The following NXN variants were observed in gnomAD, a reference collection of about 807,000 sequenced individuals.
NXN encodes nucleoredoxin.
A neutral mutation model predicts 48.6 loss-of-function variants in NXN; 16 were observed. The observed-to-expected ratio is 0.33, with a 90% CI of 0.22 to 0.50. The LOEUF is 0.50. Among genes scored for constraint, NXN ranks in the 20% least tolerant of loss-of-function variants. The pLI is 0.98. For synonymous variants in NXN, 281 were observed against 269.6 expected, an observed-to-expected ratio of 1.04 and a Z score of -0.41; for missense variants, 492 against 605.5, an observed-to-expected ratio of 0.81 and a Z score of 1.97.
Position 956,123 on chromosome 17 carries a change from A to G in NXN, c.360+23196T>C, listed in dbSNP as rs559602396. On this transcript the variant is annotated intron_variant, in intron 1 of 7. Coordinates refer to ENST00000336868, the MANE Select transcript of NXN (RefSeq NM_022463.5). The surrounding 1 kb of genome is among the most constrained non-coding windows in gnomAD (Gnocchi z 4.1). ...AATAAGGGCATTTAATTATGATGAC[A>G]GCACCAATAAACACTGAGACTCACC... is the stretch of plus-strand genomic sequence containing the variant. 4.7e-4 allele frequency among the ~76,000 whole-genome samples: 72 copies of G among 152,334 alleles called. No individual in the cohort carries two copies. The highest frequency in any genetic ancestry group is 1.0e-3 in the Admixed American group (16 of 15,298).
In NXN at chr17:919,076, A is replaced by G. The variant is rs914782854; in HGVS notation, c.360+60243T>C. Among the ~76,000 whole-genome samples, 1 of 151,850 alleles carries G rather than the reference A, an allele frequency of 6.6e-6. No individual in the cohort carries two copies. The highest frequency in any genetic ancestry group is 2.4e-5 in the African/African-American group (1 of 41,274). On this transcript the variant is annotated intron_variant, in intron 1 of 7. Coordinates refer to ENST00000336868, the MANE Select transcript of NXN (RefSeq NM_022463.5). The surrounding 1 kb of genome is among the most constrained non-coding windows in gnomAD (Gnocchi z 5.1). ...TAAGACCCTATTGCTTTAAAAAAAA[A>G]AAATGTTTCAGCCAGGCTCGGTGGC...
At position 958,057 on chromosome 17, in the gene NXN, G is replaced by T. The variant is rs529948219; in HGVS notation, c.360+21262C>A. ...CTCTCGCTCCATCCTATACTTAGGC[G>T]CCTCGGCAGGATCAAATGAACCCTC... On this transcript the variant is annotated intron_variant, in intron 1 of 7. Transcript: ENST00000336868. The surrounding 1 kb of genome is among the most constrained non-coding windows in gnomAD (Gnocchi z 6.9). Among the ~76,000 whole-genome samples the T allele has an allele frequency of 6.6e-6, 1 of 152,234 alleles. No homozygotes were observed. Among genetic ancestry groups the T allele is most frequent in the Non-Finnish European group, 1.5e-5 (1 of 68,010 alleles).
At chr17:802,782 AAT>A (rs1488275328) in intron 7 of NXN, among the ~76,000 whole-genome samples, 79 of 152,298 alleles carry the variant, frequency 5.2e-4, no homozygotes, top group African/African-American at 1.9e-3. Flanking sequence ...TGAGGTGATG[AAT>A]GGGTGGCACA....
At chr17:946,227 CCGGGGA>C (rs1475247216) in intron 1 of NXN, among the ~76,000 whole-genome samples, 3 of 40,588 alleles carry the variant, frequency 7.4e-5, no homozygotes, top group East Asian at 1.2e-3. Context: ...GCTCCGCCTC[CCGGGGA>C]TCCCTGCTCA....
At position 841,390 on chromosome 17, in the gene NXN, C is replaced by T. The variant is rs375020881; in HGVS notation, c.361-15312G>A. ...AGCAGCCCACACACGGTGCATCTCA[C>T]GCCGGCGAGCAGGTCCCCCCTGACC... On this transcript the variant is annotated intron_variant, in intron 1 of 7. Coordinates refer to ENST00000336868, the MANE Select transcript of NXN (RefSeq NM_022463.5). 1.7e-4 allele frequency among the ~76,000 whole-genome samples: 19 copies of T among 111,604 alleles called. 1 individual carries two copies. Among genetic ancestry groups the T allele is most frequent in the South Asian group, 1.5e-3 (5 of 3,364 alleles). The allele number at this position is 111,604 out of a possible 152,430, so 73.2% of individuals were successfully genotyped here. A position where few individuals can be genotyped will look rare whatever the true frequency, so the allele number is the denominator to read the frequency against.
At chr17:843,124 G>T (rs141627434) in intron 1 of NXN, among the ~76,000 whole-genome samples, 26 of 152,314 alleles carry the variant, frequency 1.7e-4, no homozygotes, top group African/African-American at 6.3e-4. Flanking sequence ...AAATAACTGA[G>T]GTTAAAATAA....
chr17:867,627 G>T lies in NXN; in HGVS notation c.361-41549C>A, dbSNP rs1050336751. Among the ~76,000 whole-genome samples, 264 of 152,294 alleles carry T rather than the reference G, an allele frequency of 1.7e-3. 2 individuals carry two copies. The highest frequency in any genetic ancestry group is 5.0e-4 in the Non-Finnish European group (34 of 68,028). On this transcript the variant is annotated intron_variant, in intron 1 of 7. Transcript: ENST00000336868. ...AAAATAGACAGTTTAACACGTGGAAGATTGAAAAGTCTAAACAGGCCAGCG... is the reference window on the plus strand; with the variant it reads ...AAAATAGACAGTTTAACACGTGGAATATTGAAAAGTCTAAACAGGCCAGCG...
chr17:912,126 T>C (rs1029394983), intron 1 of NXN, among the ~76,000 whole-genome samples: 1 of 151,714 alleles, frequency 6.6e-6, no homozygotes, highest in Non-Finnish European at 1.5e-5. Flanking sequence ...TTAGTGGAGA[T>C]GGGGTTTTGC....
At chr17:824,915 T>C (rs1422602467) in intron 2 of NXN, among the ~76,000 whole-genome samples, 1 of 152,090 alleles carries the variant, frequency 6.6e-6, no homozygotes, top group Non-Finnish European at 1.5e-5. Flanking sequence ...GGATCCACAA[T>C]GCTCTGGAGG....
chr17:812,785 T>C (rs1483912829), intron 5 of NXN, among the ~76,000 whole-genome samples: 2 of 148,544 alleles, frequency 1.3e-5, no homozygotes, highest in Admixed American at 1.3e-4. Context: ...TGTGTGCATG[T>C]GTGTAGGTGT....
intron 4 of NXN, 85 bp from the exon 5 acceptor site, chr17:819,630 C>A: frequency 1.0e-6 from 1 of 983,384 alleles, no homozygotes; most frequent in Non-Finnish European, 1.5e-6. Context: ...GAGTTCTGCC[C>A]AGGGATTCTG....
intron 1 of NXN, among the ~76,000 whole-genome samples, chr17:929,161 G>C (rs566698627): frequency 6.6e-6 from 1 of 152,214 alleles, no homozygotes; most frequent in African/African-American, 2.4e-5. Flanking sequence ...AGCTGGCAAC[G>C]TCGGCCTTCA....
At chr17:903,046 C>T (rs1276388206) in intron 1 of NXN, among the ~76,000 whole-genome samples, 1 of 151,910 alleles carries the variant, frequency 6.6e-6, no homozygotes, top group African/African-American at 2.4e-5. Context: ...GCTGGAATTA[C>T]AGGCTGAGCC....
intron 1 of NXN, among the ~76,000 whole-genome samples, chr17:910,537 T>C (rs1463854732): frequency 6.6e-6 from 1 of 152,194 alleles, no homozygotes; most frequent in Non-Finnish European, 1.5e-5. Context: ...TTTTATTTGT[T>C]TTTTAGAAGA....
rs1316658133 is a variant in NXN at position 812,966 on chromosome 17, TTGTAGGTG to T, written c.820+6465_820+6472del. 2.1e-5 allele frequency among the ~76,000 whole-genome samples: 3 copies of T among 145,830 alleles called. No homozygotes were observed. The South Asian group carries it at 6.5e-4, about 31-fold the overall frequency. On this transcript the variant is annotated intron_variant, in intron 5 of 7. Transcript: ENST00000336868. ...TATGTGTGAGTGTAGGTGTGCATGT[TTGTAGGTG>T]TGTGTGCACATGTGAATGTAGGTGT...
At chr17:806,930 A>G (rs1911572552) in intron 5 of NXN, among the ~76,000 whole-genome samples, 1 of 149,838 alleles carries the variant, frequency 6.7e-6, no homozygotes, top group African/African-American at 2.5e-5. Context: ...ATACACACAC[A>G]CACACACACA....
intron 1 of NXN, among the ~76,000 whole-genome samples, chr17:856,257 G>C (rs1019714887): frequency 9.2e-5 from 14 of 152,028 alleles, no homozygotes; most frequent in African/African-American, 3.4e-4. Context: ...CATGGCCGAG[G>C]ACAGAAAAAG....
intron 1 of NXN, among the ~76,000 whole-genome samples, chr17:829,154 TA>T (rs1913309146): frequency 2.0e-5 from 3 of 148,396 alleles, no homozygotes; most frequent in African/African-American, 7.5e-5. Context: ...TTTTTTTTTT[TA>T]GGGGGGCGGG....
intron 1 of NXN, among the ~76,000 whole-genome samples, chr17:939,870 A>G (rs2068951013): frequency 6.6e-6 from 1 of 152,166 alleles, no homozygotes; most frequent in Non-Finnish European, 1.5e-5. Context: ...TATAATTTGC[A>G]GGCATGAGCA....
Sources: gnomAD v4.1 joint callset for allele counts (sites outside exome capture counted in the v4.1 genomes callset) on GRCh38, gnomAD v4.1.1 for gene constraint, Gnocchi (gnomAD v3.1) non-coding constraint, MANE v1.5 for transcripts, NCBI Gene and HGNC (gene_info 2026-07-23, HGNC 2026-07-21) for gene names.